LOC122539214: variants seen among roughly 807,000 people sequenced by gnomAD.
chr19:52,678,139 T>C, the LOC122539214 span, among the ~76,000 whole-genome samples: 1 of 151,822 alleles, frequency 6.6e-6, no homozygotes, highest in Non-Finnish European at 1.5e-5. Flanking sequence ...ATGCGCTAAC[T>C]AAAATGGTTG....
the LOC122539214 span, among the ~76,000 whole-genome samples, chr19:52,656,551 G>T: frequency 6.6e-6 from 1 of 151,694 alleles, no homozygotes; most frequent in Admixed American, 6.6e-5. Flanking sequence ...TGTATATATT[G>T]CAAATAATGT....
the LOC122539214 span, among the ~76,000 whole-genome samples, chr19:52,675,053 G>C: frequency 6.6e-6 from 1 of 152,300 alleles, no homozygotes; most frequent in Admixed American, 6.5e-5. Context: ...ACAGTGAAAT[G>C]AGTGACACAG....
the LOC122539214 span, among the ~76,000 whole-genome samples, chr19:52,688,721 T>A: frequency 3.0e-4 from 46 of 152,198 alleles, 1 homozygote; most frequent in East Asian, 8.3e-3. Context: ...TCTATCTCTA[T>A]ATGGACAGAA....
chr19:52,676,502 G>C, the LOC122539214 span, among the ~76,000 whole-genome samples: 4 of 151,102 alleles, frequency 2.6e-5, no homozygotes, highest in Non-Finnish European at 5.9e-5. Flanking sequence ...GGAGGGAGGT[G>C]GGGGGCAGCC....
chr19:52,685,897 C>CAAAAAAAA, the LOC122539214 span, among the ~76,000 whole-genome samples: 2 of 132,550 alleles, frequency 1.5e-5, no homozygotes, highest in East Asian at 2.4e-4. Flanking sequence ...GTAACTGTCA[C>CAAAAAAAA]AAAAAAAAAA....
the LOC122539214 span, among the ~76,000 whole-genome samples, chr19:52,659,612 T>TAAAAAA: frequency 3.8e-5 from 2 of 52,920 alleles, no homozygotes; most frequent in African/African-American, 9.2e-5. Flanking sequence ...AGACTCCAAC[T>TAAAAAA]CAAAAAAAAA....
chr19:52,666,618 CAAAAAAAAA>C, the LOC122539214 span, among the ~76,000 whole-genome samples: 4 of 105,802 alleles, frequency 3.8e-5, no homozygotes, highest in African/African-American at 6.7e-5. Flanking sequence ...TATCCTAAGT[CAAAAAAAAA>C]AAAAAAAAAA....
the LOC122539214 span, among the ~76,000 whole-genome samples, chr19:52,678,017 A>T: frequency 2.1e-5 from 3 of 143,796 alleles, no homozygotes; most frequent in African/African-American, 7.7e-5. Context: ...CCTGGGTGAC[A>T]GAGTGAGACT....
At chr19:52,685,199 C>T in the LOC122539214 span, among the ~76,000 whole-genome samples, 1 of 152,288 alleles carries the variant, frequency 6.6e-6, no homozygotes, top group East Asian at 1.9e-4. Flanking sequence ...GCCAGGGTCA[C>T]TCAGGGTGAG....
the LOC122539214 span, among the ~76,000 whole-genome samples, chr19:52,676,296 A>G: frequency 4.6e-5 from 7 of 152,176 alleles, no homozygotes; most frequent in African/African-American, 1.7e-4. Context: ...AATGGTGCCC[A>G]GGCTGGAGTG....
chr19:52,687,614 G>GTATATATATATATATATAA, the LOC122539214 span, among the ~76,000 whole-genome samples: 3 of 11,626 alleles, frequency 2.6e-4, 1 homozygote, highest in African/African-American at 2.1e-3. Context: ...TATATATAAT[G>GTATATATATATATATATAA]TGTATATATA....
chr19:52,679,598 G>C, the LOC122539214 span, among the ~76,000 whole-genome samples: 1 of 152,134 alleles, frequency 6.6e-6, no homozygotes, highest in Non-Finnish European at 1.5e-5. Flanking sequence ...GTGACAGAGG[G>C]AGACTGTATC....
the LOC122539214 span, among the ~76,000 whole-genome samples, chr19:52,667,574 G>C: frequency 6.6e-6 from 1 of 152,236 alleles, no homozygotes; most frequent in African/African-American, 2.4e-5. Flanking sequence ...TACATTGAAA[G>C]ATTAAAAAAA....
chr19:52,662,920 T>C, the LOC122539214 span, among the ~76,000 whole-genome samples: 10 of 152,130 alleles, frequency 6.6e-5, no homozygotes, highest in African/African-American at 2.4e-4. Context: ...CCCAGCACTT[T>C]GGGAGGCTGA....
the LOC122539214 span, among the ~76,000 whole-genome samples, chr19:52,668,275 A>C: frequency 6.6e-6 from 1 of 152,162 alleles, no homozygotes; most frequent in Non-Finnish European, 1.5e-5. Flanking sequence ...TACAGCAGAA[A>C]GGGAGGGACA....
At chr19:52,669,158 G>C in the LOC122539214 span, among the ~76,000 whole-genome samples, 1 of 152,180 alleles carries the variant, frequency 6.6e-6, no homozygotes, top group Non-Finnish European at 1.5e-5. Flanking sequence ...TGGCACTTAT[G>C]CTTTAGTCCA....
At chr19:52,672,789 G>A in the LOC122539214 span, among the ~76,000 whole-genome samples, 6 of 151,994 alleles carry the variant, frequency 3.9e-5, no homozygotes, top group Admixed American at 2.6e-4. Context: ...TAGTAGAGAC[G>A]GGGTTTCACC....
chr19:52,680,830 T>C, the LOC122539214 span, among the ~76,000 whole-genome samples: 4 of 150,408 alleles, frequency 2.7e-5, no homozygotes, highest in African/African-American at 7.4e-5. Flanking sequence ...GCCAGGATGG[T>C]CTCGATCTCC....
chr19:52,651,142 C>G, the LOC122539214 span: 1 of 152,196 alleles, frequency 6.6e-6, no homozygotes, highest in African/African-American at 2.4e-5. Context: ...AGCCATTAAT[C>G]AAACTGTTCA....
Sources: gnomAD v4.1 joint callset for allele counts (sites outside exome capture counted in the v4.1 genomes callset) on GRCh38, gnomAD v4.1.1 for gene constraint, MANE v1.5 for transcripts.